The following CORIN variants were observed in gnomAD, a reference collection of about 807,000 sequenced individuals.
The protein encoded by CORIN is atrial natriuretic peptide-converting enzyme.
Under a neutral mutation model 125.3 loss-of-function variants are expected in CORIN, and 117 were observed. The ratio of observed to expected loss-of-function variants is 0.93; its 90% CI spans 0.80 to 1.09. The LOEUF (loss-of-function observed/expected upper bound fraction) is 1.09. Among genes scored for constraint, CORIN ranks in the 50% least tolerant of loss-of-function variants. CORIN has a pLI of 0.00. For synonymous variants in CORIN, 450 were observed against 466.4 expected, an observed-to-expected ratio of 0.96 and a Z score of 0.45; for missense variants, 1,253 against 1,306.7, an observed-to-expected ratio of 0.96 and a Z score of 0.63.
intron 19 of CORIN, among the ~76,000 whole-genome samples, chr4:47,622,953 C>A (rs1195898833): frequency 6.6e-6 from 1 of 152,038 alleles, no homozygotes; most frequent in Non-Finnish European, 1.5e-5. Context: ...CAATTAAGTT[C>A]ATTTCCCATT....
intron 4 of CORIN, among the ~76,000 whole-genome samples, chr4:47,757,981 T>G (rs1224691422): frequency 1.3e-5 from 2 of 150,998 alleles, no homozygotes; most frequent in Admixed American, 6.6e-5. Flanking sequence ...TGGCACGATC[T>G]CAGCTCACTG....
intron 19 of CORIN, among the ~76,000 whole-genome samples, chr4:47,617,584 G>A (rs1722114157): frequency 6.6e-6 from 1 of 152,218 alleles, no homozygotes; most frequent in East Asian, 1.9e-4. Flanking sequence ...ATCCACACTT[G>A]CTCACTCCCC....
At chr4:47,684,089 T>C (rs964260500) in intron 6 of CORIN, among the ~76,000 whole-genome samples, 3 of 152,230 alleles carry the variant, frequency 2.0e-5, no homozygotes, top group African/African-American at 7.2e-5. Flanking sequence ...TTATGTCACC[T>C]GAACGATCCT....
intron 2 of CORIN, among the ~76,000 whole-genome samples, chr4:47,805,053 G>A (rs540133726): frequency 2.7e-5 from 4 of 149,644 alleles, no homozygotes; most frequent in South Asian, 4.3e-4. Flanking sequence ...GGAGAATGGC[G>A]TGAACCCAGG....
chr4:47,668,899 A>G (rs1724601542), intron 10 of CORIN, among the ~76,000 whole-genome samples: 2 of 152,212 alleles, frequency 1.3e-5, no homozygotes, highest in Non-Finnish European at 2.9e-5. Context: ...GGCATTCTTC[A>G]CAGAATGCTA....
intron 3 of CORIN, among the ~76,000 whole-genome samples, chr4:47,771,035 TCAC>T: frequency 6.6e-6 from 1 of 152,254 alleles, no homozygotes; most frequent in East Asian, 1.9e-4. Context: ...TTAAGTATAC[TCAC>T]CCCCCAAAAT....
intron 19 of CORIN, among the ~76,000 whole-genome samples, chr4:47,606,554 C>T (rs1721650832): frequency 1.3e-5 from 2 of 152,236 alleles, no homozygotes; most frequent in African/African-American, 4.8e-5. Flanking sequence ...AAGCCCAGCC[C>T]AGAAGAATTA....
chr4:47,604,205 T>C lies in CORIN; in HGVS notation c.2541-537A>G, dbSNP rs551697167. On this transcript the variant is annotated intron_variant, in intron 19 of 21. Transcript: ENST00000273857. ...TCGATTCCCACCTTAAAACACTTTCTTCACTTGGCTTCCAGGTCTTGCCAT... is the reference window on the plus strand; with the variant it reads ...TCGATTCCCACCTTAAAACACTTTCCTCACTTGGCTTCCAGGTCTTGCCAT... Among the ~76,000 whole-genome samples, 14 of 152,336 alleles carry C rather than the reference T, an allele frequency of 9.2e-5. No homozygotes were observed. In the East Asian group the frequency reaches 2.1e-3, roughly 23 times the overall value.
intron 9 of CORIN, among the ~76,000 whole-genome samples, chr4:47,674,935 A>G (rs1482164381): frequency 6.6e-6 from 1 of 152,188 alleles, no homozygotes; most frequent in Non-Finnish European, 1.5e-5. Flanking sequence ...TCTAAGGAAA[A>G]TGCTTTCTCT....
At chr4:47,654,720 T>C (rs1195569394) in intron 12 of CORIN, among the ~76,000 whole-genome samples, 2 of 152,150 alleles carry the variant, frequency 1.3e-5, no homozygotes, top group Admixed American at 6.5e-5. Context: ...GGGTCCTTAA[T>C]AAACTTGAAA....
At chr4:47,724,397 A>G (rs1187313113) in intron 5 of CORIN, among the ~76,000 whole-genome samples, 1 of 152,174 alleles carries the variant, frequency 6.6e-6, no homozygotes, top group Non-Finnish European at 1.5e-5. Context: ...ATATTATCAA[A>G]AGGTCCAATA....
intron 19 of CORIN, among the ~76,000 whole-genome samples, chr4:47,609,068 A>G (rs1721767564): frequency 6.6e-6 from 1 of 152,136 alleles, no homozygotes; most frequent in Non-Finnish European, 1.5e-5. Flanking sequence ...TCTATTTTAC[A>G]AGACTTACTC....
chr4:47,625,054 C>T (rs187366642), intron 17 of CORIN, among the ~76,000 whole-genome samples: 1 of 152,228 alleles, frequency 6.6e-6, no homozygotes, highest in South Asian at 2.1e-4. Flanking sequence ...CTAAAATCCT[C>T]TCTTCCTTAC....
chr4:47,651,492 C>T (rs993371014), intron 13 of CORIN, among the ~76,000 whole-genome samples: 4 of 152,188 alleles, frequency 2.6e-5, no homozygotes, highest in African/African-American at 9.7e-5. Flanking sequence ...GTGTGTCCTC[C>T]CAAATCACTG....
At chr4:47,816,059 C>T (rs964973488) in intron 1 of CORIN, among the ~76,000 whole-genome samples, 4 of 152,290 alleles carry the variant, frequency 2.6e-5, no homozygotes, top group Non-Finnish European at 4.4e-5. Context: ...TGACTTTCTA[C>T]AGCTGAAAAT....
chr4:47,811,855 A>T (rs982868598), intron 1 of CORIN, among the ~76,000 whole-genome samples: 1 of 152,180 alleles, frequency 6.6e-6, no homozygotes, highest in African/African-American at 2.4e-5. Flanking sequence ...CTGCTACTAC[A>T]ACAACATTGA....
At chr4:47,696,563 A>T (rs1159576517) in intron 5 of CORIN, among the ~76,000 whole-genome samples, 1 of 152,230 alleles carries the variant, frequency 6.6e-6, no homozygotes, top group Non-Finnish European at 1.5e-5. Context: ...GCTGACTTCC[A>T]TTACACATGG....
Position 47,674,407 on chromosome 4 carries a change from CTGT to C in CORIN, c.1340_1342del (p.Asn447del), listed in dbSNP as rs1577811629. On this transcript the variant is annotated inframe_deletion, in exon 10 of 22. Coordinates refer to ENST00000273857, the MANE Select transcript of CORIN (RefSeq NM_006587.4). The stretch of plus-strand genomic sequence containing the variant: ...GTTGTACTTACTACAGTTATTCAGA[CTGT>C]TGTTCGGGTCACAGAGAGAGCTACC... 6 of 1,611,686 alleles carry C rather than the reference CTGT, an allele frequency of 3.7e-6. No homozygotes were observed. The East Asian group carries it at 1.3e-4, about 36-fold the overall frequency.
chr4:47,809,493 C>T (rs1452158319), intron 1 of CORIN, among the ~76,000 whole-genome samples: 2 of 151,022 alleles, frequency 1.3e-5, no homozygotes, highest in Non-Finnish European at 2.9e-5. Flanking sequence ...CAACCTCCGC[C>T]TTCCAGGTTC....
Sources: gnomAD v4.1 joint callset for allele counts (sites outside exome capture counted in the v4.1 genomes callset) on GRCh38, gnomAD v4.1.1 for gene constraint, MANE v1.5 for transcripts, NCBI Gene and HGNC (gene_info 2026-07-23, HGNC 2026-07-21) for gene names.